Variants in GALNTL6 observed in about 807,000 individuals in gnomAD.
GALNTL6 encodes polypeptide N-acetylgalactosaminyltransferase like 6.
In GALNTL6, 46 loss-of-function variants were observed where a neutral mutation model predicts 73.7. The observed-to-expected ratio is 0.62, with a 90% CI of 0.49 to 0.80. The LOEUF (loss-of-function observed/expected upper bound fraction) is 0.80, where lower values mean the gene tolerates loss of function less well. Ranked by LOEUF, GALNTL6 falls within the 30% of genes least tolerant of loss-of-function variation. The pLI, the probability that GALNTL6 is intolerant of heterozygous loss-of-function variation, is 0.00. For missense variants in GALNTL6, 604 were observed against 755.0 expected (o/e 0.80, Z 2.34); for synonymous variants, 259 against 263.7 (o/e 0.98, Z 0.17).
At chr4:172,891,894 C>T (rs1187241576) in intron 8 of GALNTL6, among the ~76,000 whole-genome samples, 1 of 152,072 alleles carries the variant, frequency 6.6e-6, no homozygotes, top group African/African-American at 2.4e-5. Context: ...CTTTCCTCAG[C>T]TTACTCTAGT....
chr4:172,080,944 C>T (rs114367566), intron 2 of GALNTL6, among the ~76,000 whole-genome samples: 1 of 152,036 alleles, frequency 6.6e-6, no homozygotes, highest in Non-Finnish European at 1.5e-5. Context: ...CCCAGTGTTG[C>T]CTCTCTTAAA....
chr4:172,976,089 T>G (rs1750795508), intron 10 of GALNTL6, among the ~76,000 whole-genome samples: 1 of 151,698 alleles, frequency 6.6e-6, no homozygotes, highest in South Asian at 2.1e-4. Context: ...CTGCCACACC[T>G]CCCCCGCTGT....
intron 5 of GALNTL6, among the ~76,000 whole-genome samples, chr4:172,803,833 A>C (rs1272695758): frequency 1.3e-5 from 2 of 152,342 alleles, no homozygotes; most frequent in East Asian, 3.9e-4. Flanking sequence ...ACCAGCTGAA[A>C]TCATACTAGA....
At chr4:171,923,437 A>C (rs1222481611) in intron 2 of GALNTL6, among the ~76,000 whole-genome samples, 1 of 132,394 alleles carries the variant, frequency 7.6e-6, no homozygotes, top group African/African-American at 3.0e-5. Context: ...TCGCTTTGTC[A>C]CCCAGGCTGC....
chr4:172,220,305 G>A (rs192844552), intron 2 of GALNTL6, among the ~76,000 whole-genome samples: 1 of 151,660 alleles, frequency 6.6e-6, no homozygotes, highest in Non-Finnish European at 1.5e-5. Context: ...ATGAATGAGG[G>A]CTTCCTTCTA....
chr4:172,888,430 T>A (rs1745844521), intron 8 of GALNTL6, among the ~76,000 whole-genome samples: 2 of 152,196 alleles, frequency 1.3e-5, no homozygotes, highest in Non-Finnish European at 2.9e-5. Flanking sequence ...CCAGCACTAT[T>A]TATTGAATAG....
chr4:172,800,129 G>A (rs994180649), intron 5 of GALNTL6, among the ~76,000 whole-genome samples: 18 of 152,098 alleles, frequency 1.2e-4, no homozygotes, highest in Admixed American at 3.9e-4. Flanking sequence ...GAGAAATGGG[G>A]AGTTGTTGTA....
intron 7 of GALNTL6, among the ~76,000 whole-genome samples, chr4:172,875,732 AAC>A (rs59079970): frequency 0.021 from 3,073 of 145,800 alleles, 84 homozygotes; most frequent in African/African-American, 0.062. Flanking sequence ...CTCATACATA[AAC>A]ACACACACAC....
At chr4:172,369,485 C>G (rs1292848260) in intron 5 of GALNTL6, among the ~76,000 whole-genome samples, 1 of 152,208 alleles carries the variant, frequency 6.6e-6, no homozygotes, top group Non-Finnish European at 1.5e-5. Flanking sequence ...CTCCTCAGCC[C>G]TTGGGCGGTC....
At chr4:171,940,843 AT>A (rs1738514587) in intron 2 of GALNTL6, among the ~76,000 whole-genome samples, 2 of 139,592 alleles carry the variant, frequency 1.4e-5, no homozygotes, top group Admixed American at 8.0e-5. Context: ...AAATAAATAA[AT>A]AAATAAATAA....
At chr4:172,032,936 T>A (rs1198218397) in intron 2 of GALNTL6, among the ~76,000 whole-genome samples, 2 of 151,998 alleles carry the variant, frequency 1.3e-5, no homozygotes, top group East Asian at 3.9e-4. Context: ...AGATGAAAAA[T>A]TAGACATATA....
At chr4:172,911,869 T>C (rs1348094509) in intron 8 of GALNTL6, among the ~76,000 whole-genome samples, 1 of 152,244 alleles carries the variant, frequency 6.6e-6, no homozygotes, top group Non-Finnish European at 1.5e-5. Context: ...TTATTTTAGC[T>C]TTTATAGATA....
chr4:172,393,796 C>G (rs1456595626), intron 5 of GALNTL6, among the ~76,000 whole-genome samples: 1 of 152,042 alleles, frequency 6.6e-6, no homozygotes, highest in African/African-American at 2.4e-5. Context: ...CTTAATAATT[C>G]AAACTATATT....
rs143797690 is a variant in GALNTL6 at position 172,554,093 on chromosome 4, G to A, written c.553+205404G>A. On this transcript the variant is annotated intron_variant, in intron 5 of 12. Transcript: ENST00000506823. Reference sequence around the variant, plus strand: ...AGCATCTGATTCTTGCCTTGGCCTTGTTCCAATTGCCATTGCCTTCAACAA... The same window carrying A: ...AGCATCTGATTCTTGCCTTGGCCTTATTCCAATTGCCATTGCCTTCAACAA... Among the ~76,000 whole-genome samples the A allele has an allele frequency of 2.6e-4, 40 of 152,260 alleles. No individual in the cohort carries two copies. In the East Asian group the frequency reaches 7.7e-3, roughly 29 times the overall value.
chr4:172,921,100 T>G (rs1747765155), intron 8 of GALNTL6, among the ~76,000 whole-genome samples: 1 of 151,796 alleles, frequency 6.6e-6, no homozygotes, highest in South Asian at 2.1e-4. Context: ...TGCCCGAGGG[T>G]GACAGAGTAT....
intron 8 of GALNTL6, among the ~76,000 whole-genome samples, chr4:172,924,389 G>T (rs550190257): frequency 3.9e-5 from 6 of 152,302 alleles, no homozygotes; most frequent in African/African-American, 1.4e-4. Context: ...ACTTTAAGTG[G>T]GTCACACATT....
intron 5 of GALNTL6, among the ~76,000 whole-genome samples, chr4:172,624,314 T>A (rs1739072834): frequency 6.6e-6 from 1 of 152,044 alleles, no homozygotes; most frequent in Admixed American, 6.6e-5. Flanking sequence ...TTTATTTTTC[T>A]CTAGGATCTC....
intron 12 of GALNTL6, among the ~76,000 whole-genome samples, chr4:173,037,817 A>C (rs1190409861): frequency 6.6e-6 from 1 of 151,192 alleles, no homozygotes; most frequent in African/African-American, 2.4e-5. Context: ...ATCTCGGCTC[A>C]CTGCAACCTC....
intron 2 of GALNTL6, among the ~76,000 whole-genome samples, chr4:172,212,235 C>T (rs758399751): frequency 1.3e-5 from 2 of 152,036 alleles, no homozygotes; most frequent in Non-Finnish European, 1.5e-5. Context: ...GATCTGGGCT[C>T]ACTGCAAACT....
Sources: gnomAD v4.1 joint callset for allele counts (sites outside exome capture counted in the v4.1 genomes callset) on GRCh38, gnomAD v4.1.1 for gene constraint, MANE v1.5 for transcripts, NCBI Gene and HGNC (gene_info 2026-07-23, HGNC 2026-07-21) for gene names.